Variants in PCDHGA5 observed in about 807,000 individuals in gnomAD.
The protein encoded by PCDHGA5 is protocadherin gamma subfamily A, 5, also known as protocadherin gamma-A5.
PCDHGA5 carries 36 observed loss-of-function variants against 56.7 expected under a neutral mutation model. The observed-to-expected ratio is 0.64, with a 90% CI of 0.49 to 0.84. PCDHGA5 has a LOEUF of 0.84. Ranked by LOEUF, PCDHGA5 falls within the 40% of genes least tolerant of loss-of-function variation. The pLI is 0.00. For missense variants in PCDHGA5, 1,305 were observed against 1,201.5 expected (o/e 1.09, Z -1.27); for synonymous variants, 563 against 520.2 (o/e 1.08, Z -1.12).
rs191953163 is a variant in PCDHGA5 at position 141,426,385 on chromosome 5, C to T, written c.2421+59634C>T. Reference sequence around the variant, plus strand: ...CTGCGGGGCACCCTCGGAGCAGATCCGCTACTCTATTCCAGAAGAAACGGT... The same window carrying T: ...CTGCGGGGCACCCTCGGAGCAGATCTGCTACTCTATTCCAGAAGAAACGGT... On this transcript the variant is annotated intron_variant, in intron 1 of 3. Transcript: ENST00000518069. 1.4e-3 allele frequency: 332 copies of T among 244,362 alleles called. 1 individual carries two copies. The highest frequency in any genetic ancestry group is 1.5e-3 in the Non-Finnish European group (188 of 121,940). 15.1% of individuals were successfully genotyped at this position (244,362 alleles called of 1,614,324 possible). A position where few individuals can be genotyped will look rare whatever the true frequency, so the allele number is the denominator to read the frequency against.
At chr5:141,445,269 C>A (rs535300313) in intron 1 of PCDHGA5, among the ~76,000 whole-genome samples, 1 of 152,260 alleles carries the variant, frequency 6.6e-6, no homozygotes, top group Non-Finnish European at 1.5e-5. Flanking sequence ...AAGTCGAAAC[C>A]ACTCTGCATA....
intron 1 of PCDHGA5, chr5:141,392,568 T>G: frequency 2.3e-6 from 1 of 442,486 alleles, no homozygotes; most frequent in South Asian, 4.4e-5. Flanking sequence ...CAGTAACTAT[T>G]TAGGACTGTA....
At chr5:141,409,119 C>T (rs1231583978) in intron 1 of PCDHGA5, 8 of 1,613,810 alleles carry the variant, frequency 5.0e-6, no homozygotes, top group Non-Finnish European at 6.8e-6. Flanking sequence ...AATAACCAGT[C>T]ATTTGATTTT....
At chr5:141,394,801 C>A in intron 1 of PCDHGA5, 2 of 1,613,838 alleles carry the variant, frequency 1.2e-6, no homozygotes, top group Non-Finnish European at 1.7e-6. Flanking sequence ...CTCACCGTAG[C>A]CGTGGCTGAC....
intron 1 of PCDHGA5, among the ~76,000 whole-genome samples, chr5:141,434,479 A>C (rs2097696849): frequency 6.6e-6 from 1 of 152,202 alleles, no homozygotes; most frequent in African/African-American, 2.4e-5. Flanking sequence ...AGGGCAAGGA[A>C]CACCTGGCCC....
chr5:141,494,236 T>C (rs1384800217), intron 1 of PCDHGA5, among the ~76,000 whole-genome samples: 7 of 152,128 alleles, frequency 4.6e-5, no homozygotes, highest in Non-Finnish European at 1.0e-4. Flanking sequence ...AAATTAATAA[T>C]GTATTTAGCT....
In PCDHGA5 at chr5:141,381,798, C is replaced by CTCTTTCTTTCTTTCTT. The variant is rs372235829; in HGVS notation, c.2421+15056_2421+15071dup. On this transcript the variant is annotated intron_variant, in intron 1 of 3. Coordinates refer to ENST00000518069, the MANE Select transcript of PCDHGA5 (RefSeq NM_018918.3). Reference sequence around the variant, plus strand: ...ATCAGGAACAAGGCAAGGCAATTCCCTCTTTCTTTCTTTCTTTCTTTCTTC... The same window carrying CTCTTTCTTTCTTTCTT: ...ATCAGGAACAAGGCAAGGCAATTCCCTCTTTCTTTCTTTCTTTCTTTCTTTCTTTCTTTCTTTCTTC... Among the ~76,000 whole-genome samples, 49 of 144,164 alleles carry CTCTTTCTTTCTTTCTT rather than the reference C, an allele frequency of 3.4e-4. 1 individual carries two copies. The highest frequency in any genetic ancestry group is 1.3e-3 in the African/African-American group (47 of 37,522). The allele number at this position is 144,164 out of a possible 152,430, so 94.6% of individuals were successfully genotyped here. A position where few individuals can be genotyped will look rare whatever the true frequency, so the allele number is the denominator to read the frequency against.
chr5:141,412,839 G>A, intron 1 of PCDHGA5: 1 of 203,324 alleles, frequency 4.9e-6, no homozygotes, highest in Admixed American at 5.8e-5. Context: ...TTAAAGATAG[G>A]AGTGGAGAAA....
At chr5:141,444,299 G>A (rs1017908182) in intron 1 of PCDHGA5, among the ~76,000 whole-genome samples, 20 of 150,672 alleles carry the variant, frequency 1.3e-4, no homozygotes, top group Non-Finnish European at 2.7e-4. Context: ...AGCCTCCCTA[G>A]TAGCTAGGAT....
chr5:141,403,789 C>T (rs1230029917), intron 1 of PCDHGA5: 1 of 1,613,864 alleles, frequency 6.2e-7, no homozygotes, highest in East Asian at 2.2e-5. Flanking sequence ...AAGTGGCATA[C>T]AAATTCTGGA....
Position 141,417,818 on chromosome 5 carries a change from C to T in PCDHGA5, c.2421+51067C>T, listed in dbSNP as rs59981184. 5.7e-4 allele frequency: 859 copies of T among 1,512,530 alleles called. 1 individual carries two copies. The African/African-American group carries it at 0.011, about 19-fold the overall frequency. 93.7% of individuals were successfully genotyped at this position (1,512,530 alleles called of 1,614,324 possible). On this transcript the variant is annotated intron_variant, in intron 1 of 3. Coordinates refer to ENST00000518069, the MANE Select transcript of PCDHGA5 (RefSeq NM_018918.3). ...TTTAGCGCGGTAGAGTGCACTTTCTCCAACTGGAAAAGCGGGGACCCAGCG... is the reference window on the plus strand; with the variant it reads ...TTTAGCGCGGTAGAGTGCACTTTCTTCAACTGGAAAAGCGGGGACCCAGCG...
At chr5:141,506,699 C>T (rs758682427) in intron 3 of PCDHGA5, among the ~76,000 whole-genome samples, 2 of 152,094 alleles carry the variant, frequency 1.3e-5, no homozygotes, top group Non-Finnish European at 2.9e-5. Flanking sequence ...GACCCAAACC[C>T]GTTTTTTACT....
intron 1 of PCDHGA5, chr5:141,372,823 A>G (rs1561557860): frequency 6.4e-7 from 1 of 1,564,608 alleles, no homozygotes; most frequent in South Asian, 1.2e-5. Flanking sequence ...AGTTTCTTCA[A>G]ACCTTTCCTT....
In PCDHGA5 at chr5:141,431,509, C is replaced by T. The variant is rs774558486; in HGVS notation, c.2422-63298C>T. The T allele has an allele frequency of 3.1e-6, 5 of 1,613,992 alleles. 1 individual carries two copies. In the Admixed American group the frequency reaches 5.0e-5, roughly 16 times the overall value. On this transcript the variant is annotated intron_variant, in intron 1 of 3. Coordinates refer to ENST00000518069, the MANE Select transcript of PCDHGA5 (RefSeq NM_018918.3). This position sits in a 1 kb window ranked among gnomAD's most constrained non-coding sequence, Gnocchi z 4.8. ...TTGCTCAGCCCGAGTACCGCGCGAG[C>T]GTTCCGGAGAATCTGGCCTTGGGCA...
intron 1 of PCDHGA5, chr5:141,388,948 T>C (rs751779962): frequency 7.4e-6 from 12 of 1,613,904 alleles, no homozygotes; most frequent in Admixed American, 1.7e-5. Context: ...AACCTAATTA[T>C]GGAGGACGCC....
intron 1 of PCDHGA5, chr5:141,392,755 T>C: frequency 6.8e-7 from 1 of 1,460,466 alleles, no homozygotes; most frequent in South Asian, 1.5e-5. Context: ...GGCAAGAAAC[T>C]AAATAAGACC....
At position 141,389,685 on chromosome 5, in the gene PCDHGA5, TG is replaced by T. The variant is rs1303219922; in HGVS notation, c.2421+22936del. 1.8e-5 allele frequency: 29 copies of T among 1,612,354 alleles called. No homozygotes were observed. In the East Asian group the frequency reaches 6.2e-4, roughly 35 times the overall value. On this transcript the variant is annotated intron_variant, in intron 1 of 3. Coordinates refer to ENST00000518069, the MANE Select transcript of PCDHGA5 (RefSeq NM_018918.3). ...GGACGCAGACTCAGGACACAACGCC[TG>T]GCTGTCCTACCACGTGCTGCAGGCT...
At position 141,481,036 on chromosome 5, in the gene PCDHGA5, C is replaced by T. The variant is rs1040377549; in HGVS notation, c.2422-13771C>T. Among the ~76,000 whole-genome samples, 19 of 151,964 alleles carry T rather than the reference C, an allele frequency of 1.3e-4. 1 individual carries two copies. The highest frequency in any genetic ancestry group is 3.4e-4 in the African/African-American group (14 of 41,456). ...TCACACCACTGCACTCCAGCCTGGG[C>T]GACAGAGCGAGACTCCACCTCAAAA... is the stretch of plus-strand genomic sequence containing the variant. On this transcript the variant is annotated intron_variant, in intron 1 of 3. Transcript: ENST00000518069.
intron 1 of PCDHGA5, chr5:141,427,778 A>T: frequency 1.4e-6 from 2 of 1,436,676 alleles, no homozygotes; most frequent in Non-Finnish European, 1.9e-6. Context: ...AGCTGCGGGC[A>T]CTGTCGTCCT....
Sources: gnomAD v4.1 joint callset for allele counts (sites outside exome capture counted in the v4.1 genomes callset) on GRCh38, gnomAD v4.1.1 for gene constraint, Gnocchi (gnomAD v3.1) non-coding constraint, MANE v1.5 for transcripts, NCBI Gene and HGNC (gene_info 2026-07-23, HGNC 2026-07-21) for gene names.